PLEKHA3: variants seen among roughly 807,000 people sequenced by gnomAD.
PLEKHA3 encodes the protein pleckstrin homology domain-containing family A member 3.
In PLEKHA3, 19 loss-of-function variants were observed where a neutral mutation model predicts 39.2. The ratio of observed to expected loss-of-function variants is 0.48; its 90% CI spans 0.34 to 0.71. PLEKHA3 has a LOEUF of 0.71. Among genes scored for constraint, PLEKHA3 ranks in the 30% least tolerant of loss-of-function variants. The pLI, the probability that PLEKHA3 is intolerant of heterozygous loss-of-function variation, is 0.01. For missense variants in PLEKHA3, 253 were observed against 359.5 expected (o/e 0.70, Z 2.40); for synonymous variants, 97 against 118.6 (o/e 0.82, Z 1.18).
Position 178,514,125 on chromosome 2 carries a change from GAA to G in PLEKHA3, c.*10241_*10242del, listed in dbSNP as rs1169975251. On this transcript the variant is annotated 3_prime_UTR_variant, in exon 8 of 8. Coordinates refer to ENST00000234453, the MANE Select transcript of PLEKHA3 (RefSeq NM_019091.4). ...TCTTGTTTTGCAGTTGTTGGCTAGA[GAA>G]AAGTGTGTAGCAATAAGTACGCACA... 1 of 150,982 alleles carries G rather than the reference GAA, an allele frequency of 6.6e-6. No homozygotes were observed. Among genetic ancestry groups the G allele is most frequent in the African/African-American group, 2.4e-5 (1 of 41,060 alleles). The allele number at this position is 150,982 out of a possible 1,614,324, so 9.4% of individuals were successfully genotyped here.
rs1685763763 is a variant in PLEKHA3 at position 178,516,323 on chromosome 2, T to C, written c.*12436T>C. On this transcript the variant is annotated 3_prime_UTR_variant, in exon 8 of 8. Coordinates refer to ENST00000234453, the MANE Select transcript of PLEKHA3 (RefSeq NM_019091.4). ...GGGGAAAATAAACTTCATTTAAAAA[T>C]ATATGTATACTTATTTTGTGAGTAT... 6.6e-6 allele frequency: 1 copy of C among 152,300 alleles called. No individual in the cohort carries two copies. Among genetic ancestry groups the C allele is most frequent in the African/African-American group, 2.4e-5 (1 of 41,580 alleles). 9.4% of individuals were successfully genotyped at this position (152,300 alleles called of 1,614,324 possible).
In PLEKHA3 at chr2:178,495,613, C is replaced by T. The variant is rs1685428904; in HGVS notation, c.568C>T (p.His190Tyr). 6.2e-7 allele frequency: 1 copy of T among 1,613,592 alleles called. No individual in the cohort carries two copies. The highest frequency in any genetic ancestry group is 8.5e-7 in the Non-Finnish European group (1 of 1,179,754). ...KFKPEMFQLHHPDPLVSPVSP... is the reference protein window; with the variant it reads ...KFKPEMFQLHYPDPLVSPVSP... ...TAAACCTGAGATGTTTCAACTGCAC[C>T]ATCCGGATCCCTTAGTTTCTCCTGT... The change falls in exon 5 of 8, where the codon CAT (histidine) becomes TAT (tyrosine). Residue 190 changes from histidine (H) to tyrosine (Y), a missense_variant. His to Tyr is a moderately conservative substitution (Grantham distance 83). Coordinates refer to ENST00000234453, the MANE Select transcript of PLEKHA3 (RefSeq NM_019091.4).
intron 1 of PLEKHA3, among the ~76,000 whole-genome samples, chr2:178,481,263 G>T (rs970588645): frequency 6.6e-6 from 1 of 152,202 alleles, no homozygotes; most frequent in African/African-American, 2.4e-5. Context: ...TAACTGAGTT[G>T]TCGGAGTATT....
At chr2:178,493,615 G>A (rs1685393416) in intron 3 of PLEKHA3, among the ~76,000 whole-genome samples, 1 of 152,156 alleles carries the variant, frequency 6.6e-6, no homozygotes, top group Admixed American at 6.5e-5. Context: ...AACATCCAGT[G>A]GTCATCATCC....
intron 7 of PLEKHA3, 60 bp downstream of exon 7, chr2:178,501,236 C>G: frequency 1.7e-6 from 2 of 1,202,712 alleles, no homozygotes; most frequent in Non-Finnish European, 1.2e-6. Flanking sequence ...CTGTGGGGCT[C>G]TGTAATTTCT....
At chr2:178,486,895 G>A (rs1685259127) in intron 2 of PLEKHA3, among the ~76,000 whole-genome samples, 1 of 152,128 alleles carries the variant, frequency 6.6e-6, no homozygotes, top group African/African-American at 2.4e-5. Flanking sequence ...AAGTGGAGTG[G>A]AATGCTAAGG....
intron 1 of PLEKHA3, among the ~76,000 whole-genome samples, 162 bp from the exon 2 acceptor site, chr2:178,485,479 C>G (rs950600628): frequency 1.3e-5 from 2 of 152,136 alleles, no homozygotes; most frequent in Non-Finnish European, 2.9e-5. Context: ...GAGACTGATG[C>G]AAAAACATTT....
At chr2:178,503,416 G>T (rs1685560294) in intron 7 of PLEKHA3, among the ~76,000 whole-genome samples, 1 of 151,864 alleles carries the variant, frequency 6.6e-6, no homozygotes, top group Admixed American at 6.6e-5. Context: ...ATTAAAATAG[G>T]CTGAAAAAGC....
chr2:178,499,180 TA>T, intron 5 of PLEKHA3, 30 bp from the exon 6 acceptor site: 2 of 1,564,826 alleles, frequency 1.3e-6, no homozygotes, highest in Admixed American at 1.7e-5. Flanking sequence ...TGGATTATGC[TA>T]ATTTTTTTTT....
intron 4 of PLEKHA3, 68 bp from the exon 5 acceptor site, chr2:178,495,410 AGATGTCTTATTATTTAAT>A: frequency 8.0e-7 from 1 of 1,246,484 alleles, no homozygotes; most frequent in Non-Finnish European, 1.1e-6. Context: ...TGTCTGTTGG[AGATGTCTTATTATTTAAT>A]GATAAGGTTG....
rs1218228495 is a variant in PLEKHA3, at chr2:178,506,829, T to G, written c.*2942T>G. The G allele has an allele frequency of 7.1e-6, 1 of 140,450 alleles. No individual in the cohort carries two copies. The highest frequency in any genetic ancestry group is 1.7e-5 in the Non-Finnish European group (1 of 60,536). The allele number at this position is 140,450 out of a possible 1,614,324, so 8.7% of individuals were successfully genotyped here. ...GGAGTTCCTTTGAGGAGGTCTGTCT[T>G]TTAATAACCCTGGCGGGTAAATGAA... is the stretch of plus-strand genomic sequence containing the variant. On this transcript the variant is annotated 3_prime_UTR_variant, in exon 8 of 8. Transcript: ENST00000234453.
chr2:178,483,880 A>G (rs1196748128), intron 1 of PLEKHA3, among the ~76,000 whole-genome samples: 1 of 152,138 alleles, frequency 6.6e-6, no homozygotes, highest in Non-Finnish European at 1.5e-5. Context: ...GGAATTTGAG[A>G]CCAGCCTGGG....
chr2:178,491,539 C>T (rs1157469147), intron 3 of PLEKHA3, among the ~76,000 whole-genome samples: 1 of 152,064 alleles, frequency 6.6e-6, no homozygotes, highest in Non-Finnish European at 1.5e-5. Flanking sequence ...CTGTATATAC[C>T]CTTTGGTATC....
chr2:178,493,874 C>T lies in PLEKHA3; in HGVS notation c.335C>T (p.Ser112Leu). Residue 112 changes from serine to leucine, a missense_variant, in exon 4 of 8, where the codon TCG (serine) becomes TTG (leucine). Physicochemically the swap from Ser to Leu is moderately radical, Grantham distance 145. Coordinates refer to ENST00000234453, the MANE Select transcript of PLEKHA3 (RefSeq NM_019091.4). Reference sequence around the variant, plus strand: ...TCAGAAATAAGTGAAACCAGTGAATCGCTGAAAACCAAAATGTCTGAACTT... The same window carrying T: ...TCAGAAATAAGTGAAACCAGTGAATTGCTGAAAACCAAAATGTCTGAACTT... The part of the protein sequence containing the change: ...KEKEISETSE[S>L]LKTKMSELRL... 4.3e-6 allele frequency: 7 copies of T among 1,613,192 alleles called. No homozygotes were observed. The highest frequency in any genetic ancestry group is 2.2e-5 in the East Asian group (1 of 44,860).
chr2:178,503,590 C>T (rs936311051), intron 7 of PLEKHA3, among the ~76,000 whole-genome samples, 170 bp from the exon 8 acceptor site: 1 of 151,912 alleles, frequency 6.6e-6, no homozygotes, highest in Non-Finnish European at 1.5e-5. Context: ...GCTGTTGATA[C>T]TCTAGTCTAA....
rs1685492154 is a variant in PLEKHA3, at chr2:178,499,139, A to T, written c.616-72A>T. On this transcript the variant is annotated intron_variant, in intron 5 of 7. Coordinates refer to ENST00000234453, the MANE Select transcript of PLEKHA3 (RefSeq NM_019091.4). ...AATTTATGTTTATTATGATAATAGTAAATTAGAGCTGCATGATTCTACTTG... is the reference window on the plus strand; with the variant it reads ...AATTTATGTTTATTATGATAATAGTTAATTAGAGCTGCATGATTCTACTTG... 9 of 1,407,448 alleles carry T rather than the reference A, an allele frequency of 6.4e-6. No individual in the cohort carries two copies. The East Asian group carries it at 2.1e-4, about 32-fold the overall frequency. 87.2% of individuals were successfully genotyped at this position (1,407,448 alleles called of 1,614,324 possible).
intron 4 of PLEKHA3, 97 bp from the exon 5 acceptor site, chr2:178,495,389 ACATAGTAATG>A: frequency 9.3e-7 from 1 of 1,073,128 alleles, no homozygotes; most frequent in Non-Finnish European, 1.4e-6. Flanking sequence ...TTTGAACATA[ACATAGTAATG>A]TGTCTGTTGG....
chr2:178,499,152 A>G, intron 5 of PLEKHA3, 59 bp from the exon 6 acceptor site: 1 of 1,482,224 alleles, frequency 6.7e-7, no homozygotes, highest in Non-Finnish European at 9.3e-7. Context: ...TTAGAGCTGC[A>G]TGATTCTACT....
chr2:178,503,027 A>C (rs983859989), intron 7 of PLEKHA3, among the ~76,000 whole-genome samples: 1 of 152,032 alleles, frequency 6.6e-6, no homozygotes, highest in Admixed American at 6.6e-5. Flanking sequence ...GTTACTCAAA[A>C]ATATTCTTCT....
Sources: allele counts gnomAD v4.1 joint callset (sites outside exome capture counted in the v4.1 genomes callset), GRCh38; gene constraint gnomAD v4.1.1; transcripts MANE v1.5; gene names NCBI Gene and HGNC (gene_info 2026-07-23, HGNC 2026-07-21).